IFT88: variants seen among roughly 807,000 people sequenced by gnomAD.
IFT88 encodes the protein intraflagellar transport 88, also known as intraflagellar transport protein 88 homolog.
A neutral mutation model predicts 119.5 loss-of-function variants in IFT88; 74 were observed. The observed-to-expected ratio is 0.62, with a 90% CI of 0.51 to 0.75. The LOEUF is 0.75. Among genes scored for constraint, IFT88 ranks in the 30% least tolerant of loss-of-function variants. IFT88 has a pLI of 0.00. For synonymous variants in IFT88, 279 were observed against 316.7 expected (o/e 0.88, Z 1.26); for missense variants, 961 against 977.7 (o/e 0.98, Z 0.23).
At chr13:20,658,711 A>C (rs764285401) in intron 22 of IFT88, among the ~76,000 whole-genome samples, 2 of 152,208 alleles carry the variant, frequency 1.3e-5, no homozygotes, top group Non-Finnish European at 2.9e-5. Flanking sequence ...GCCTCTGTCC[A>C]ATAGATTAGC....
chr13:20,568,612 A>C (rs747956750), intron 1 of IFT88, among the ~76,000 whole-genome samples: 1 of 152,252 alleles, frequency 6.6e-6, no homozygotes, highest in Non-Finnish European at 1.5e-5. Flanking sequence ...TCCCCAGACC[A>C]GTAGCCTCAG....
At chr13:20,652,417 G>A (rs1425220376) in intron 20 of IFT88, among the ~76,000 whole-genome samples, 5 of 151,866 alleles carry the variant, frequency 3.3e-5, no homozygotes, top group Admixed American at 6.6e-5. Flanking sequence ...CAGGCGGATC[G>A]CTTGACCTCA....
intron 20 of IFT88, among the ~76,000 whole-genome samples, chr13:20,650,050 T>G (rs969964856): frequency 2.0e-5 from 3 of 152,056 alleles, no homozygotes; most frequent in African/African-American, 7.2e-5. Context: ...TGCCAGACAT[T>G]TCAAGAAAAA....
intron 15 of IFT88, among the ~76,000 whole-genome samples, chr13:20,627,495 C>T (rs1000041768): frequency 6.6e-6 from 1 of 151,134 alleles, no homozygotes; most frequent in Non-Finnish European, 1.5e-5. Flanking sequence ...TTTGGGAGGC[C>T]GAGGCAGGTG....
intron 17 of IFT88, 103 bp from the exon 18 acceptor site, chr13:20,641,187 G>C (rs1219222863): frequency 1.4e-6 from 1 of 712,568 alleles, no homozygotes; most frequent in Non-Finnish European, 2.2e-6. Context: ...TTTCTCTTCT[G>C]GATAAATATT....
At chr13:20,654,830 A>T (rs2052460375) in intron 21 of IFT88, among the ~76,000 whole-genome samples, 1 of 152,204 alleles carries the variant, frequency 6.6e-6, no homozygotes, top group Admixed American at 6.5e-5. Flanking sequence ...GTTCATTTCA[A>T]CGTCAGTCAT....
In IFT88 at chr13:20,601,755, A is replaced by G; in HGVS notation, c.863A>G (p.Tyr288Cys). 6.2e-7 allele frequency: 1 copy of G among 1,613,332 alleles called. No homozygotes were observed. Among genetic ancestry groups the G allele is most frequent in the Non-Finnish European group, 8.5e-7 (1 of 1,179,296 alleles). ...GTTACATTTATTCAGGCTGGTCAGTATTCAGATGCTATTAATTCATATGAG... is the reference window on the plus strand; with the variant it reads ...GTTACATTTATTCAGGCTGGTCAGTGTTCAGATGCTATTAATTCATATGAG... Reference protein sequence around the residue: ...IGVTFIQAGQYSDAINSYEHI... With the variant: ...IGVTFIQAGQCSDAINSYEHI... The change falls in exon 12 of 26, where the codon TAT (tyrosine) becomes TGT (cysteine). Residue 288 changes from tyrosine (Y) to cysteine (C), a missense_variant. By Grantham distance (194) the Tyr-to-Cys change is radical. Transcript: ENST00000351808.
chr13:20,622,847 A>G (rs751009319), intron 14 of IFT88, among the ~76,000 whole-genome samples: 1 of 151,952 alleles, frequency 6.6e-6, no homozygotes, highest in East Asian at 1.9e-4. Flanking sequence ...CACTTTGTCT[A>G]TTTTTTCTTT....
In IFT88 at chr13:20,644,926, T is replaced by C. The variant is rs1332851204; in HGVS notation, c.1917T>C (p.Ala639=). The change falls in exon 20 of 26, where the codon GCT becomes GCC. Residue 639 remains alanine, a synonymous_variant. Transcript: ENST00000351808. ...YYIDTQFWEK[A]IQYFERASLI... ...TTGACACCCAATTTTGGGAAAAAGC[T>C]ATTCAGTACTTTGAAAGAGCTTCTC... 1 of 1,592,458 alleles carries C rather than the reference T, an allele frequency of 6.3e-7. No individual in the cohort carries two copies. Among genetic ancestry groups the C allele is most frequent in the South Asian group, 1.1e-5 (1 of 89,622 alleles).
intron 15 of IFT88, among the ~76,000 whole-genome samples, chr13:20,628,085 G>C (rs1040581929): frequency 2.6e-4 from 40 of 152,032 alleles, no homozygotes; most frequent in Non-Finnish European, 5.9e-4. Flanking sequence ...AAAAGGATTG[G>C]GTTGACGTAT....
intron 16 of IFT88, among the ~76,000 whole-genome samples, chr13:20,637,561 A>G (rs1415446661): frequency 6.6e-6 from 1 of 152,192 alleles, no homozygotes; most frequent in African/African-American, 2.4e-5. Flanking sequence ...GCCAAACCCT[A>G]TCTTGGAGCA....
intron 24 of IFT88, among the ~76,000 whole-genome samples, chr13:20,671,475 A>G (rs1482298142): frequency 6.6e-6 from 1 of 152,228 alleles, no homozygotes; most frequent in Non-Finnish European, 1.5e-5. Flanking sequence ...GCTAGGAATT[A>G]GGAGACATAG....
chr13:20,665,500 C>T (rs2054533857), intron 23 of IFT88, among the ~76,000 whole-genome samples: 2 of 152,294 alleles, frequency 1.3e-5, no homozygotes, highest in Middle Eastern at 3.4e-3. Flanking sequence ...GTAATAATGG[C>T]TTTAAGAATG....
intron 11 of IFT88, among the ~76,000 whole-genome samples, chr13:20,600,763 A>G (rs2042456286): frequency 1.3e-5 from 2 of 152,238 alleles, no homozygotes; most frequent in African/African-American, 4.8e-5. Context: ...GCTTTTAGGT[A>G]TATACCCAAG....
intron 24 of IFT88, among the ~76,000 whole-genome samples, chr13:20,678,480 C>T (rs1421163722): frequency 6.6e-6 from 1 of 152,188 alleles, no homozygotes; most frequent in African/African-American, 2.4e-5. Flanking sequence ...GCATTTTTAG[C>T]AAGGAGCAGA....
intron 1 of IFT88, among the ~76,000 whole-genome samples, chr13:20,568,963 G>T (rs1231194974): frequency 1.3e-5 from 2 of 151,910 alleles, no homozygotes; most frequent in African/African-American, 4.8e-5. Flanking sequence ...CTCGTGATCC[G>T]CCCGCCTCGG....
At chr13:20,679,678 A>ACAACT (rs1296997717) in intron 24 of IFT88, among the ~76,000 whole-genome samples, 1 of 152,226 alleles carries the variant, frequency 6.6e-6, no homozygotes. Context: ...GCGGACAGAC[A>ACAACT]CAACTATGTA....
At chr13:20,631,847 A>G (rs1403122758) in intron 16 of IFT88, 1 of 152,170 alleles carries the variant, frequency 6.6e-6, no homozygotes, top group African/African-American at 2.4e-5. Context: ...CTTTTTCTGA[A>G]TATTGAAAAT....
intron 24 of IFT88, among the ~76,000 whole-genome samples, chr13:20,685,454 A>G (rs1226194649): frequency 6.6e-6 from 1 of 152,216 alleles, no homozygotes; most frequent in South Asian, 2.1e-4. Flanking sequence ...TTAAAAGGTA[A>G]TTCCCAAGGG....
Sources: allele counts gnomAD v4.1 joint callset (sites outside exome capture counted in the v4.1 genomes callset), GRCh38; gene constraint gnomAD v4.1.1; transcripts MANE v1.5; gene names NCBI Gene and HGNC (gene_info 2026-07-23, HGNC 2026-07-21).